Variants in STARD8 observed in about 807,000 individuals in gnomAD.
STARD8 encodes the protein stAR-related lipid transfer protein 8.
STARD8 carries 25 observed loss-of-function variants against 69.4 expected under a neutral mutation model. That is an observed-to-expected ratio of 0.36 (90% confidence interval 0.26 to 0.50). The LOEUF (loss-of-function observed/expected upper bound fraction) is 0.50, where lower values mean the gene tolerates loss of function less well. STARD8 is among the 20% of genes least tolerant of loss of function. The pLI is 0.96. For missense variants in STARD8, 921 were observed against 932.5 expected (o/e 0.99, Z 0.16); for synonymous variants, 389 against 374.6 (o/e 1.04, Z -0.45).
At chrX:68,673,765 G>C (rs2079745294) in intron 2 of STARD8, among the ~76,000 whole-genome samples, 1 of 111,747 alleles carries the variant, frequency 8.9e-6, no homozygotes, top group Non-Finnish European at 1.9e-5. Context: ...CATGTGTAGT[G>C]TGCAAACACA....
chrX:68,690,347 C>G (rs954767654), intron 2 of STARD8, among the ~76,000 whole-genome samples: 1 of 110,177 alleles, frequency 9.1e-6, no homozygotes, highest in Non-Finnish European at 1.9e-5. Context: ...CTATCTGGTT[C>G]CTTTTGGATA....
At chrX:68,674,395 G>C (rs961339841) in intron 2 of STARD8, among the ~76,000 whole-genome samples, 1 of 110,762 alleles carries the variant, frequency 9.0e-6, no homozygotes, top group Admixed American at 9.6e-5. Context: ...TTCTCCTCCA[G>C]CTCCTCGGGC....
chrX:68,720,314 A>G lies in STARD8; in HGVS notation c.1940A>G (p.Gln647Arg). Residue 647 changes from glutamine (Q) to arginine (R), a missense_variant, in exon 8 of 15, where the codon CAG becomes CGG. Coordinates refer to ENST00000374599, the MANE Select transcript of STARD8 (RefSeq NM_001142503.3). ...AACAAGACCCCAGATTACCGGGGAC[A>G]GCACGTATTTGGGGTGCCACCCCTC... ...RRNKTPDYRG[Q>R]HVFGVPPLIH... 1 of 1,208,302 alleles carries G rather than the reference A, an allele frequency of 8.3e-7. No individual in the cohort carries two copies. Among genetic ancestry groups the G allele is most frequent in the East Asian group, 3.0e-5 (1 of 33,555 alleles).
At chrX:68,680,432 G>C (rs981102527) in intron 2 of STARD8, among the ~76,000 whole-genome samples, 6 of 112,279 alleles carry the variant, frequency 5.3e-5, no homozygotes, top group African/African-American at 1.9e-4. Context: ...TAGAATCCGA[G>C]GGGGACACAC....
intron 2 of STARD8, among the ~76,000 whole-genome samples, chrX:68,680,823 C>T (rs980669068): frequency 9.0e-6 from 1 of 110,738 alleles, no homozygotes; most frequent in African/African-American, 3.3e-5. Flanking sequence ...GAGTGGCCTA[C>T]GTGATACAAG....
intron 2 of STARD8, among the ~76,000 whole-genome samples, chrX:68,668,877 T>C (rs1403662682): frequency 1.8e-5 from 2 of 112,143 alleles, no homozygotes; most frequent in African/African-American, 3.2e-5. Flanking sequence ...ATAATATCTA[T>C]GAAATTAGGT....
At chrX:68,723,035 G>A (rs2080165308) in intron 12 of STARD8, among the ~76,000 whole-genome samples, 1 of 112,391 alleles carries the variant, frequency 8.9e-6, no homozygotes, top group Non-Finnish European at 1.9e-5. Flanking sequence ...CACCTTTAGC[G>A]ACAACGGAAT....
chrX:68,724,398 A>T lies in STARD8; in HGVS notation c.3288A>T (p.Ala1096=). The T allele has an allele frequency of 8.3e-7, 1 of 1,204,407 alleles. No individual in the cohort carries two copies. The highest frequency in any genetic ancestry group is 1.1e-6 in the Non-Finnish European group (1 of 891,723). ...KIRDSFPTLQ[A]AGPETKL is the part of the protein sequence containing the mutation. ...GGGACTCCTTCCCCACCCTGCAGGC[A>T]GCGGGCCCTGAGACAAAGCTGTGAG... Residue 1096 remains alanine, a synonymous_variant, in exon 15 of 15, where the codon GCA becomes GCT. Coordinates refer to ENST00000374599, the MANE Select transcript of STARD8 (RefSeq NM_001142503.3).
chrX:68,667,679 A>T (rs979987831), intron 2 of STARD8, among the ~76,000 whole-genome samples: 2 of 110,594 alleles, frequency 1.8e-5, no homozygotes, highest in Non-Finnish European at 3.8e-5. Context: ...GCTAGATGGG[A>T]CTGCGATGGG....
chrX:68,684,201 G>A (rs1013943963), intron 2 of STARD8, among the ~76,000 whole-genome samples: 17 of 112,622 alleles, frequency 1.5e-4, no homozygotes, highest in Non-Finnish European at 2.6e-4. Context: ...TCAGTAAGGT[G>A]CCCCCTCTCC....
At chrX:68,673,524 G>A (rs6625359) in intron 2 of STARD8, among the ~76,000 whole-genome samples, 40,201 of 110,761 alleles carry the variant, frequency 0.36, 6,377 homozygotes, top group African/African-American at 0.61. Flanking sequence ...GAAGGGCAAT[G>A]CAACAGGTCT....
chrX:68,706,421 G>A (rs1163463750), intron 2 of STARD8, among the ~76,000 whole-genome samples: 1 of 111,705 alleles, frequency 9.0e-6, no homozygotes, highest in Non-Finnish European at 1.9e-5. Flanking sequence ...CCATAGATAG[G>A]GCACTGCAGA....
rs963232163 is a variant in STARD8 at position 68,696,005 on chromosome X, C to T, written c.80-16909C>T. 7.1e-5 allele frequency among the ~76,000 whole-genome samples: 8 copies of T among 112,120 alleles called. 1 individual carries two copies. Among genetic ancestry groups the T allele is most frequent in the African/African-American group, 2.6e-4 (8 of 30,802 alleles). ...TGGAAAGTTCAGGTTCAACAGATGG[C>T]AGGTTTATCACGTGCAGGCTGTGCC... On this transcript the variant is annotated intron_variant, in intron 2 of 14. Coordinates refer to ENST00000374599, the MANE Select transcript of STARD8 (RefSeq NM_001142503.3).
At chrX:68,652,877 ACCC>A (rs2079561249) in intron 1 of STARD8, among the ~76,000 whole-genome samples, 4 of 37,520 alleles carry the variant, frequency 1.1e-4, no homozygotes, top group Non-Finnish European at 9.2e-5. Context: ...ACACACCCAC[ACCC>A]CACACACACA....
At chrX:68,698,288 A>G (rs2147911199) in intron 2 of STARD8, among the ~76,000 whole-genome samples, 1 of 111,417 alleles carries the variant, frequency 9.0e-6, no homozygotes, top group African/African-American at 3.3e-5. Flanking sequence ...AGAGTTAAAA[A>G]GGGGTAGGGG....
At chrX:68,667,655 A>G (rs2079692230) in intron 2 of STARD8, among the ~76,000 whole-genome samples, 1 of 110,861 alleles carries the variant, frequency 9.0e-6, no homozygotes, top group Non-Finnish European at 1.9e-5. Context: ...GAAGGTCTGA[A>G]TCAAGTGAGC....
At position 68,662,395 on chromosome X, in the gene STARD8, C is replaced by T. The variant is rs140801317; in HGVS notation, c.46-3104C>T. Among the ~76,000 whole-genome samples, 745 of 111,210 alleles carry T rather than the reference C, an allele frequency of 6.7e-3. 5 individuals carry two copies. The highest frequency in any genetic ancestry group is 0.021 in the South Asian group (55 of 2,607). On this transcript the variant is annotated intron_variant, in intron 1 of 14. Coordinates refer to ENST00000374599, the MANE Select transcript of STARD8 (RefSeq NM_001142503.3). The stretch of plus-strand genomic sequence containing the variant: ...ACATTCCGAAACATAAATCTGACTA[C>T]GTTACCTCTCTGTTTAGGCCCCCTC...
intron 2 of STARD8, among the ~76,000 whole-genome samples, chrX:68,691,515 A>G (rs1268426475): frequency 1.8e-5 from 2 of 112,045 alleles, no homozygotes; most frequent in African/African-American, 6.5e-5. Context: ...TAAAAGAGGG[A>G]GATCAAAAAA....
At chrX:68,656,460 A>T (rs934096568) in intron 1 of STARD8, 1 of 112,029 alleles carries the variant, frequency 8.9e-6, no homozygotes, top group Non-Finnish European at 1.9e-5. Flanking sequence ...TTCCTCAAGG[A>T]TCTAGAAGTA....
Sources: allele counts gnomAD v4.1 joint callset (sites outside exome capture counted in the v4.1 genomes callset), GRCh38; gene constraint gnomAD v4.1.1; transcripts MANE v1.5; gene names NCBI Gene and HGNC (gene_info 2026-07-23, HGNC 2026-07-21).